Variants in ADAMTSL1 observed in about 807,000 individuals in gnomAD.
ADAMTSL1 encodes the protein ADAMTS like 1, also known as ADAMTS-like protein 1.
ADAMTSL1 carries 126 observed loss-of-function variants against 201.8 expected under a neutral mutation model. The ratio of observed to expected loss-of-function variants is 0.62; its 90% CI spans 0.54 to 0.72. The LOEUF (loss-of-function observed/expected upper bound fraction) is 0.72. ADAMTSL1 is among the 30% of genes least tolerant of loss of function. The pLI is 0.00. For synonymous variants in ADAMTSL1, 1,121 were observed against 903.4 expected (o/e 1.24, Z -4.32); for missense variants, 2,679 against 2,277.8 (o/e 1.18, Z -3.59).
chr9:18,424,855 T>C (rs138903889), intron 2 of ADAMTSL1, among the ~76,000 whole-genome samples: 2 of 152,330 alleles, frequency 1.3e-5, no homozygotes, highest in East Asian at 1.9e-4. Context: ...CATACTGTTA[T>C]GGCGTTTGAA....
chr9:18,358,452 C>G (rs1031461988), intron 2 of ADAMTSL1, among the ~76,000 whole-genome samples: 1 of 152,082 alleles, frequency 6.6e-6, no homozygotes, highest in Non-Finnish European at 1.5e-5. Context: ...TGTTGTGCAA[C>G]CATAACCACT....
chr9:18,304,622 C>G (rs999603818), intron 2 of ADAMTSL1, among the ~76,000 whole-genome samples: 1 of 149,874 alleles, frequency 6.7e-6, no homozygotes, highest in Non-Finnish European at 1.5e-5. Flanking sequence ...CTGATCTAGA[C>G]AAGTTTGGTA....
chr9:18,396,375 T>C (rs1263408456), intron 2 of ADAMTSL1, among the ~76,000 whole-genome samples: 1 of 151,988 alleles, frequency 6.6e-6, no homozygotes, highest in Non-Finnish European at 1.5e-5. Context: ...CCATAAAATC[T>C]AAGTCTCTTG....
intron 2 of ADAMTSL1, among the ~76,000 whole-genome samples, chr9:18,338,452 G>T (rs1274207720): frequency 1.3e-5 from 2 of 150,150 alleles, no homozygotes; most frequent in African/African-American, 2.4e-5. Flanking sequence ...TCTGTTTTTG[G>T]CTTTTGTTTT....
chr9:18,640,633 C>A (rs1281117402), intron 7 of ADAMTSL1, among the ~76,000 whole-genome samples: 1 of 151,930 alleles, frequency 6.6e-6, no homozygotes, highest in African/African-American at 2.4e-5. Flanking sequence ...AACTTGAGCC[C>A]CAGAAACCTG....
intron 2 of ADAMTSL1, among the ~76,000 whole-genome samples, chr9:18,527,906 C>T (rs1196153613): frequency 6.6e-6 from 1 of 152,110 alleles, no homozygotes; most frequent in African/African-American, 2.4e-5. Flanking sequence ...AAGATGGAGT[C>T]TTGCTCTGTC....
At chr9:18,844,173 CTTTTGGTCT>C (rs1825930464) in intron 23 of ADAMTSL1, among the ~76,000 whole-genome samples, 1 of 152,078 alleles carries the variant, frequency 6.6e-6, no homozygotes, top group Non-Finnish European at 1.5e-5. Context: ...GTTTTATCTA[CTTTTGGTCT>C]TTGATGATGG....
rs376931591 is a variant in ADAMTSL1, at chr9:18,639,377, T to C, written c.800T>C (p.Met267Thr). ...TTTCCAGACAAAGAGATACTGAGAATGGCTGGACCACTCACAGCAGATTTC... is the reference window on the plus strand; with the variant it reads ...TTTCCAGACAAAGAGATACTGAGAACGGCTGGACCACTCACAGCAGATTTC... The part of the protein sequence containing the change: ...QKFPDKEILR[M>T]AGPLTADFIV... Residue 267 changes from methionine (M) to threonine (T), a missense_variant, in exon 7 of 29, where the codon ATG becomes ACG. Met to Thr is a moderately conservative substitution (Grantham distance 81, BLOSUM62 -1). Transcript: ENST00000380548. 56 of 1,612,832 alleles carry C rather than the reference T, an allele frequency of 3.5e-5. No individual in the cohort carries two copies. The African/African-American group carries it at 6.5e-4, about 19-fold the overall frequency.
In ADAMTSL1 at chr9:18,777,754, G is replaced by A; in HGVS notation, c.3525G>A (p.Gln1175=). The A allele has an allele frequency of 6.2e-7, 1 of 1,613,766 alleles. No homozygotes were observed. The highest frequency in any genetic ancestry group is 1.1e-5 in the South Asian group (1 of 91,046). The change falls in exon 19 of 29, where the codon CAG becomes CAA. Residue 1175 remains glutamine, a synonymous_variant. Coordinates refer to ENST00000380548, the MANE Select transcript of ADAMTSL1 (RefSeq NM_001040272.6). The stretch of plus-strand genomic sequence containing the variant: ...TGCGCAAGATCTCAGCGGCCCAGCA[G>A]CTCTCAGCCTCGGAGGTGGTCACCC... ...TILRKISAAQ[Q]LSASEVVTHL...
intron 20 of ADAMTSL1, among the ~76,000 whole-genome samples, 182 bp from the exon 21 acceptor site, chr9:18,816,927 C>CGGTA (rs141829053): frequency 1.3e-4 from 19 of 151,952 alleles, no homozygotes; most frequent in Middle Eastern, 6.8e-3. Flanking sequence ...GACAACACTG[C>CGGTA]GGTAGGTAGG....
intron 1 of ADAMTSL1, among the ~76,000 whole-genome samples, chr9:18,013,193 A>G (rs1267426682): frequency 6.6e-6 from 1 of 152,060 alleles, no homozygotes; most frequent in African/African-American, 2.4e-5. Context: ...AATTACAATA[A>G]TAATTTTACA....
At chr9:18,814,279 G>C (rs1163813619) in intron 20 of ADAMTSL1, among the ~76,000 whole-genome samples, 1 of 152,082 alleles carries the variant, frequency 6.6e-6, no homozygotes, top group Non-Finnish European at 1.5e-5. Context: ...TGTTGAATTT[G>C]GTTTGCTAGT....
chr9:18,099,355 A>ATATATATATATATATATTTTTTT (rs1239180390), intron 1 of ADAMTSL1, among the ~76,000 whole-genome samples: 1 of 45,558 alleles, frequency 2.2e-5, no homozygotes, highest in African/African-American at 8.1e-5. Flanking sequence ...ATATATATAT[A>ATATATATATATATATATTTTTTT]TTTTTTTTTT....
chr9:18,462,207 A>G (rs1820833744), intron 2 of ADAMTSL1, among the ~76,000 whole-genome samples: 1 of 152,216 alleles, frequency 6.6e-6, no homozygotes, highest in Non-Finnish European at 1.5e-5. Context: ...GTGTTGTGTA[A>G]AGTGTTAAAA....
intron 1 of ADAMTSL1, among the ~76,000 whole-genome samples, chr9:18,074,211 C>T (rs1386571478): frequency 2.6e-5 from 4 of 152,160 alleles, no homozygotes; most frequent in African/African-American, 4.8e-5. Flanking sequence ...GCAAGCCAGG[C>T]TTCCCTTTGG....
At chr9:18,119,062 C>T (rs1825386280) in intron 1 of ADAMTSL1, among the ~76,000 whole-genome samples, 1 of 152,094 alleles carries the variant, frequency 6.6e-6, no homozygotes, top group Non-Finnish European at 1.5e-5. Context: ...ACTTAACCTA[C>T]AATTTCTTCA....
chr9:18,192,078 A>G (rs1198916978), intron 2 of ADAMTSL1, among the ~76,000 whole-genome samples: 2 of 152,032 alleles, frequency 1.3e-5, no homozygotes, highest in African/African-American at 4.8e-5. Context: ...TCATTTTCTC[A>G]TGTTGCTATC....
chr9:18,817,188 C>A lies in ADAMTSL1; in HGVS notation c.3885C>A (p.Thr1295=). 6.3e-7 allele frequency: 1 copy of A among 1,575,478 alleles called. No homozygotes were observed. Residue 1295 remains threonine (T), a synonymous_variant, in exon 21 of 29, where the codon ACC becomes ACA. Coordinates refer to ENST00000380548, the MANE Select transcript of ADAMTSL1 (RefSeq NM_001040272.6). Reference sequence around the variant, plus strand: ...CAGTCACAGTCGATATAGGAAGCACCATCAAAACAGTGCAGGGAGTGAATG... The same window carrying A: ...CAGTCACAGTCGATATAGGAAGCACAATCAAAACAGTGCAGGGAGTGAATG... ...KPAVTVDIGS[T]IKTVQGVNVT...
chr9:18,181,709 C>T (rs1430818652), intron 2 of ADAMTSL1, among the ~76,000 whole-genome samples: 1 of 151,826 alleles, frequency 6.6e-6, no homozygotes, highest in Non-Finnish European at 1.5e-5. Context: ...CTAGTTCAAC[C>T]CTTGTGGAAG....
Sources: gnomAD v4.1 joint callset for allele counts (sites outside exome capture counted in the v4.1 genomes callset) on GRCh38, gnomAD v4.1.1 for gene constraint, MANE v1.5 for transcripts, NCBI Gene and HGNC (gene_info 2026-07-23, HGNC 2026-07-21) for gene names.